Variants in PABPC1L observed in about 807,000 individuals in gnomAD.
The protein encoded by PABPC1L is polyadenylate-binding protein 1-like.
Under a neutral mutation model 66.6 loss-of-function variants are expected in PABPC1L, and 31 were observed. The observed-to-expected ratio is 0.47, with a 90% CI of 0.35 to 0.63. The LOEUF is 0.63. Among genes scored for constraint, PABPC1L ranks in the 20% least tolerant of loss-of-function variants. The pLI is 0.00. For synonymous variants in PABPC1L, 348 were observed against 335.1 expected, an observed-to-expected ratio of 1.04 and a Z score of -0.42; for missense variants, 722 against 848.8, an observed-to-expected ratio of 0.85 and a Z score of 1.86.
intron 10 of PABPC1L, 106 bp from the exon 11 acceptor site, chr20:44,935,285 T>A: frequency 1.3e-6 from 1 of 792,024 alleles, no homozygotes; most frequent in Non-Finnish European, 2.1e-6. Context: ...TACATTCTTG[T>A]CAACGCTTGT....
At chr20:44,928,688 G>T (rs866106393) in intron 7 of PABPC1L, among the ~76,000 whole-genome samples, 2 of 151,852 alleles carry the variant, frequency 1.3e-5, no homozygotes, top group Non-Finnish European at 2.9e-5. Context: ...GCAACAGGAT[G>T]AGACCTCATC....
At chr20:44,925,583 C>T (rs2145568736) in intron 7 of PABPC1L, among the ~76,000 whole-genome samples, 1 of 152,210 alleles carries the variant, frequency 6.6e-6, no homozygotes, top group East Asian at 1.9e-4. Context: ...GGGGGACCCG[C>T]CTGAATGATG....
chr20:44,911,964 G>A (rs1161518157), intron 1 of PABPC1L, among the ~76,000 whole-genome samples: 1 of 152,198 alleles, frequency 6.6e-6, no homozygotes, highest in Non-Finnish European at 1.5e-5. Context: ...CTGCAGCAGT[G>A]GCCGGAGGCT....
chr20:44,938,680 G>A lies in PABPC1L; in HGVS notation c.1798G>A (p.Glu600Lys), dbSNP rs780281097. Residue 600 changes from glutamate (E) to lysine (K), a missense_variant, in exon 14 of 15, where the codon GAG (glutamate) becomes AAG (lysine). By Grantham distance (56) the Glu-to-Lys change is moderately conservative. Coordinates refer to ENST00000217073, the MANE Select transcript of PABPC1L (RefSeq NM_001372179.1). Reference protein sequence around the residue: ...SPESLHAKIDEAVAVLQAHQA... With the variant: ...SPESLHAKIDKAVAVLQAHQA... The stretch of plus-strand genomic sequence containing the variant: ...CGCCACTCATGTCTCACAGATAGAC[G>A]AGGCAGTGGCCGTGCTGCAGGCACA... The A allele has an allele frequency of 6.8e-6, 11 of 1,609,316 alleles. No individual in the cohort carries two copies. The highest frequency in any genetic ancestry group is 3.3e-5 in the South Asian group (3 of 89,806).
At chr20:44,937,965 A>C in intron 12 of PABPC1L, 96 bp from the exon 13 acceptor site, 1 of 1,534,840 alleles carries the variant, frequency 6.5e-7, no homozygotes, top group Non-Finnish European at 8.8e-7. Flanking sequence ...CTGGGAGAAG[A>C]ACCCAGATGT....
Position 44,932,323 on chromosome 20 carries a change from G to A in PABPC1L, c.1240-19G>A, listed in dbSNP as rs2068889217. 1.9e-6 allele frequency: 3 copies of A among 1,590,852 alleles called. No individual in the cohort carries two copies. Among genetic ancestry groups the A allele is most frequent in the Non-Finnish European group, 2.6e-6 (3 of 1,163,964 alleles). ...CCTGCCGCCAAGCCCCTCAGTCTGGGTCTTCTTTTCCCATGCAGCCTCCAG... is the reference window on the plus strand; with the variant it reads ...CCTGCCGCCAAGCCCCTCAGTCTGGATCTTCTTTTCCCATGCAGCCTCCAG... On this transcript the variant is annotated intron_variant, in intron 8 of 14. Transcript: ENST00000217073.
intron 7 of PABPC1L, 94 bp downstream of exon 7, chr20:44,924,350 C>T: frequency 3.0e-6 from 3 of 1,008,346 alleles, no homozygotes; most frequent in Non-Finnish European, 3.0e-6. Context: ...TCTCGCCCAG[C>T]AGCCTTCAGG....
chr20:44,929,127 TG>T (rs1402776677), intron 7 of PABPC1L, among the ~76,000 whole-genome samples: 2 of 150,864 alleles, frequency 1.3e-5, no homozygotes, highest in Admixed American at 6.6e-5. Flanking sequence ...CTGGGTGTGG[TG>T]GCATGTACCT....
rs113722142 is a variant in PABPC1L, at chr20:44,931,013, CT to C, written c.1239+289del. ...ACCTACATTTTTCCTTCCTCCCTTC[CT>C]TCCCTTCCCTCCCTTCCCTCCCTTC... is the stretch of plus-strand genomic sequence containing the variant. On this transcript the variant is annotated intron_variant, in intron 8 of 14. Coordinates refer to ENST00000217073, the MANE Select transcript of PABPC1L (RefSeq NM_001372179.1). Among the ~76,000 whole-genome samples, 761 of 82,562 alleles carry C rather than the reference CT, an allele frequency of 9.2e-3. 18 individuals carry two copies. The highest frequency in any genetic ancestry group is 0.038 in the African/African-American group (687 of 17,934). The allele number at this position is 82,562 out of a possible 152,430, so 54.2% of individuals were successfully genotyped here. A position where few individuals can be genotyped will look rare whatever the true frequency, so the allele number is the denominator to read the frequency against.
intron 11 of PABPC1L, among the ~76,000 whole-genome samples, chr20:44,936,043 G>C (rs1040461489): frequency 6.6e-6 from 1 of 151,642 alleles, no homozygotes; most frequent in Non-Finnish European, 1.5e-5. Context: ...TGTGATCATA[G>C]CTCACTGCAG....
At chr20:44,939,078 G>A (rs1395561374) in intron 14 of PABPC1L, 48 bp from the exon 15 acceptor site, 2 of 717,242 alleles carry the variant, frequency 2.8e-6, no homozygotes, top group African/African-American at 1.7e-5. Flanking sequence ...TGAAGACTGG[G>A]TGTCTGCCAT....
chr20:44,924,344 G>A (rs1386023939), intron 7 of PABPC1L, 88 bp downstream of exon 7: 10 of 1,043,176 alleles, frequency 9.6e-6, no homozygotes, highest in South Asian at 4.2e-5. Context: ...CCACCCTCTC[G>A]CCCAGCAGCC....
chr20:44,936,546 C>T (rs2066901821), intron 11 of PABPC1L, 91 bp from the exon 12 acceptor site: 1 of 1,093,824 alleles, frequency 9.1e-7, no homozygotes, highest in African/African-American at 1.6e-5. Flanking sequence ...CCTCCAGTGC[C>T]TCCCTGGCCT....
intron 6 of PABPC1L, among the ~76,000 whole-genome samples, chr20:44,923,845 C>T (rs2145566718): frequency 6.6e-6 from 1 of 152,304 alleles, no homozygotes; most frequent in Non-Finnish European, 1.5e-5. Flanking sequence ...TGGGCATGCT[C>T]TGCACCTCAG....
chr20:44,918,552 C>T (rs982638119), intron 3 of PABPC1L, among the ~76,000 whole-genome samples: 1 of 152,178 alleles, frequency 6.6e-6, no homozygotes, highest in African/African-American at 2.4e-5. Context: ...TGCCCAGGGT[C>T]ACACAGCTAG....
At chr20:44,914,367 C>T (rs1204767488) in intron 2 of PABPC1L, among the ~76,000 whole-genome samples, 2 of 152,036 alleles carry the variant, frequency 1.3e-5, no homozygotes, top group African/African-American at 4.8e-5. Flanking sequence ...CCACCACGCC[C>T]AGCTAATTTT....
At chr20:44,919,484 G>T (rs147376386) in intron 5 of PABPC1L, among the ~76,000 whole-genome samples, 6 of 152,188 alleles carry the variant, frequency 3.9e-5, no homozygotes, top group African/African-American at 7.2e-5. Context: ...CCTGATGTCC[G>T]CAGAGCTGAA....
intron 2 of PABPC1L, among the ~76,000 whole-genome samples, chr20:44,914,312 T>C (rs1444563141): frequency 6.7e-6 from 1 of 149,616 alleles, no homozygotes; most frequent in Non-Finnish European, 1.5e-5. Flanking sequence ...GTTCACGCCA[T>C]TCTCCTGCCT....
chr20:44,910,537 A>G (rs1046947711), intron 1 of PABPC1L, among the ~76,000 whole-genome samples: 5 of 146,954 alleles, frequency 3.4e-5, no homozygotes, highest in African/African-American at 1.2e-4. Flanking sequence ...CTATTCCTCT[A>G]CAGAGGAGAG....
Sources: gnomAD v4.1 joint callset for allele counts (sites outside exome capture counted in the v4.1 genomes callset) on GRCh38, gnomAD v4.1.1 for gene constraint, MANE v1.5 for transcripts, NCBI Gene and HGNC (gene_info 2026-07-23, HGNC 2026-07-21) for gene names.